Variants in TEX35 observed in about 807,000 individuals in gnomAD.
The protein encoded by TEX35 is testis expressed 35.
Under a neutral mutation model 31.9 loss-of-function variants are expected in TEX35, and 26 were observed. The observed-to-expected ratio is 0.81, with a 90% CI of 0.60 to 1.13. The LOEUF (loss-of-function observed/expected upper bound fraction) is 1.13. Ranked by LOEUF, TEX35 falls within the 50% of genes most tolerant of loss-of-function variation. TEX35 has a pLI of 0.00. For missense variants in TEX35, 278 were observed against 273.5 expected, an observed-to-expected ratio of 1.02 and a Z score of -0.12; for synonymous variants, 87 against 90.7, an observed-to-expected ratio of 0.96 and a Z score of 0.23.
intron 4 of TEX35, among the ~76,000 whole-genome samples, chr1:178,516,315 AG>A (rs1003789220): frequency 6.6e-6 from 1 of 152,250 alleles, no homozygotes; most frequent in Non-Finnish European, 1.5e-5. Context: ...TAGCATCCTT[AG>A]GAAAAAAGCG....
intron 5 of TEX35, 61 bp from the exon 6 acceptor site, chr1:178,520,311 G>A (rs1572176868): frequency 2.0e-6 from 3 of 1,518,956 alleles, no homozygotes; most frequent in East Asian, 4.5e-5. Flanking sequence ...AGAGAGGCAG[G>A]AGGAAGGTAT....
chr1:178,522,114 C>A, intron 8 of TEX35: 1 of 721,450 alleles, frequency 1.4e-6, no homozygotes, highest in South Asian at 2.1e-5. Flanking sequence ...ACATAATCAG[C>A]CTCCACCTGT....
At chr1:178,514,002 G>A (rs769663736) in intron 1 of TEX35, 25 bp from the exon 2 acceptor site, 1 of 1,612,800 alleles carries the variant, frequency 6.2e-7, no homozygotes, top group South Asian at 1.1e-5. Flanking sequence ...CTGCCAGCCT[G>A]AATCTCAGTC....
At chr1:178,518,748 C>A (rs548840397) in intron 5 of TEX35, among the ~76,000 whole-genome samples, 13 of 152,118 alleles carry the variant, frequency 8.5e-5, no homozygotes, top group Non-Finnish European at 1.5e-4. Flanking sequence ...AAAGGGCATG[C>A]ATTAATTATT....
intron 5 of TEX35, among the ~76,000 whole-genome samples, chr1:178,517,411 G>C (rs1417093466): frequency 6.6e-6 from 1 of 152,184 alleles, no homozygotes. Flanking sequence ...GGGTGGGCCG[G>C]AGTTGCTTAA....
chr1:178,523,350 A>T (rs1007607609), downstream of TEX35: 1 of 686,322 alleles, frequency 1.5e-6, no homozygotes, highest in South Asian at 1.6e-5. Context: ...CTCAATTTTT[A>T]GTTTTTTGAG....
intron 8 of TEX35, chr1:178,521,744 T>C (rs1342019063): frequency 8.4e-6 from 13 of 1,551,680 alleles, no homozygotes; most frequent in Non-Finnish European, 1.1e-5. Flanking sequence ...TCAGGGCTTC[T>C]TGTCCTGTTA....
intron 1 of TEX35, 45 bp from the exon 2 acceptor site, chr1:178,513,982 A>C: frequency 6.2e-7 from 1 of 1,606,914 alleles, no homozygotes; most frequent in East Asian, 2.2e-5. Flanking sequence ...CTCCTCCCCA[A>C]TCCTGATGTC....
At chr1:178,523,281 T>G (rs191820267), downstream of TEX35, 101 of 701,444 alleles carry the variant, frequency 1.4e-4, no homozygotes, top group African/African-American at 1.7e-3. Context: ...CTCTTCAATA[T>G]GCTGATTTTC....
intron 7 of TEX35, 52 bp from the exon 8 acceptor site, chr1:178,521,167 CCCT>C (rs1317614448): frequency 3.1e-6 from 5 of 1,612,166 alleles, no homozygotes; most frequent in Middle Eastern, 1.6e-4. Flanking sequence ...TAGCAGGCTG[CCCT>C]TCTTGGACCA....
At chr1:178,520,973 C>A in intron 7 of TEX35, 99 bp downstream of exon 7, 1 of 1,561,744 alleles carries the variant, frequency 6.4e-7, no homozygotes, top group South Asian at 1.2e-5. Flanking sequence ...AGTGAAGGGA[C>A]AGGTCCGCCC....
chr1:178,516,574 T>C, intron 4 of TEX35, 41 bp from the exon 5 acceptor site: 4 of 1,568,184 alleles, frequency 2.6e-6, no homozygotes, highest in Non-Finnish European at 3.5e-6. Flanking sequence ...CTCAATAACA[T>C]GCTCTGTGCT....
Position 178,520,811 on chromosome 1 carries a change from G to A in TEX35, c.480G>A (p.Thr160=), listed in dbSNP as rs768368106. 1.2e-5 allele frequency: 19 copies of A among 1,614,032 alleles called. No homozygotes were observed. Among genetic ancestry groups the A allele is most frequent in the East Asian group, 2.2e-5 (1 of 44,890 alleles). ...CACCCTGTGCTCTTCACAAGAAGAC[G>A]ATGGCACCACAAAAAACAAAACAGG... is the stretch of plus-strand genomic sequence containing the variant. ...NGAPCALHKK[T]MAPQKTKQGS... The change falls in exon 7 of 9, where the codon ACG becomes ACA. Residue 160 remains threonine (T), a synonymous_variant. Transcript: ENST00000319416.
intron 2 of TEX35, 88 bp downstream of exon 2, chr1:178,514,165 A>G (rs985052426): frequency 6.2e-7 from 1 of 1,608,260 alleles, no homozygotes; most frequent in African/African-American, 1.3e-5. Flanking sequence ...TGCTGATCCT[A>G]GTGGCCAAGA....
chr1:178,521,474 G>T (rs1431723155), intron 8 of TEX35: 2 of 1,025,766 alleles, frequency 1.9e-6, no homozygotes, highest in South Asian at 1.4e-5. Context: ...AGAGGCTGCT[G>T]CCTGGGGCTC....
rs761243607 is a variant in TEX35 at position 178,520,691 on chromosome 1, A to C, written c.360A>C (p.Pro120=). 73 of 1,613,834 alleles carry C rather than the reference A, an allele frequency of 4.5e-5. 1 individual carries two copies. The highest frequency in any genetic ancestry group is 3.8e-4 in the South Asian group (35 of 91,058). The change falls in exon 7 of 9, where the codon CCA becomes CCC. Residue 120 remains proline (P), a synonymous_variant. Transcript: ENST00000319416. Reference sequence around the variant, plus strand: ...CCCCCAGTCCCCTTAGAAGAGCACCAAAGGAGCAGCAGGAACTCAGGCTGA... The same window carrying C: ...CCCCCAGTCCCCTTAGAAGAGCACCCAAGGAGCAGCAGGAACTCAGGCTGA... ...KNYKLPLRRA[P]KEQQELRLMG...
intron 5 of TEX35, among the ~76,000 whole-genome samples, chr1:178,518,444 T>G (rs1294841012): frequency 6.6e-6 from 1 of 152,112 alleles, no homozygotes; most frequent in Non-Finnish European, 1.5e-5. Flanking sequence ...TAATAAAAAT[T>G]TGGAAACGAC....
Position 178,516,630 on chromosome 1 carries a change from G to T in TEX35, c.232G>T (p.Asp78Tyr). The change falls in exon 5 of 9, where the codon GAC becomes TAC. Residue 78 changes from aspartate to tyrosine, a missense_variant. Physicochemically the swap from Asp to Tyr is radical, Grantham distance 160. Coordinates refer to ENST00000319416, the MANE Select transcript of TEX35 (RefSeq NM_032126.5). ...EEIKQIKDLM[D>Y]KDFDKLHEFV... ...TCCTTGTTAGATAAAGGATCTAATG[G>T]ACAAGGATTTTGATAAACTTCACGA... is the stretch of plus-strand genomic sequence containing the variant. 1 of 1,613,634 alleles carries T rather than the reference G, an allele frequency of 6.2e-7. No individual in the cohort carries two copies. Among genetic ancestry groups the T allele is most frequent in the Admixed American group, 1.7e-5 (1 of 59,984 alleles).
intron 2 of TEX35, chr1:178,514,314 T>G: frequency 1.4e-6 from 2 of 1,388,588 alleles, no homozygotes; most frequent in Middle Eastern, 2.0e-4. Context: ...CAGGGAGACA[T>G]GTCTGAGTGG....
Sources: allele counts gnomAD v4.1 joint callset (sites outside exome capture counted in the v4.1 genomes callset), GRCh38; gene constraint gnomAD v4.1.1; transcripts MANE v1.5; gene names NCBI Gene and HGNC (gene_info 2026-07-23, HGNC 2026-07-21).